Variants in USH2A observed in about 807,000 individuals in gnomAD.
USH2A encodes Usher syndrome 2A (autosomal recessive, mild).
In USH2A, 443 loss-of-function variants were observed where a neutral mutation model predicts 538.9. The observed-to-expected ratio is 0.82, with a 90% CI of 0.76 to 0.89. The LOEUF (loss-of-function observed/expected upper bound fraction) is 0.89. Among genes scored for constraint, USH2A ranks in the 40% least tolerant of loss-of-function variants. USH2A has a pLI of 0.00. For synonymous variants in USH2A, 2,413 were observed against 2,273.5 expected (o/e 1.06, Z -1.75); for missense variants, 6,633 against 6,324.8 (o/e 1.05, Z -1.65).
chr1:216,263,348 C>T lies in USH2A; in HGVS notation c.1972-12250G>A, dbSNP rs549201345. Among the ~76,000 whole-genome samples the T allele has an allele frequency of 2.0e-5, 3 of 152,190 alleles. No individual in the cohort carries two copies. The South Asian group carries it at 6.2e-4, about 32-fold the overall frequency. ...AACTACAGGCCAATATTCCTGATGA[C>T]CATAGTTGCAAAGATCATCAATAAA... On this transcript the variant is annotated intron_variant, in intron 11 of 71. Coordinates refer to ENST00000307340, the MANE Select transcript of USH2A (RefSeq NM_206933.4).
At chr1:216,069,039 G>A (rs556988134) in intron 30 of USH2A, among the ~76,000 whole-genome samples, 1 of 152,236 alleles carries the variant, frequency 6.6e-6, no homozygotes, top group Non-Finnish European at 1.5e-5. Context: ...GGAGAATGGG[G>A]GAAGGAGCTA....
intron 65 of USH2A, among the ~76,000 whole-genome samples, chr1:215,649,352 T>C (rs1039113772): frequency 1.3e-5 from 2 of 152,202 alleles, no homozygotes; most frequent in Admixed American, 6.5e-5. Context: ...TTATAAAGTT[T>C]TGGTTTATTT....
At chr1:216,067,146 C>A (rs112055434) in intron 30 of USH2A, among the ~76,000 whole-genome samples, 16 of 152,264 alleles carry the variant, frequency 1.1e-4, no homozygotes, top group African/African-American at 3.9e-4. Flanking sequence ...TCATTCTCAG[C>A]AAACTAACAC....
intron 11 of USH2A, among the ~76,000 whole-genome samples, chr1:216,268,706 A>C (rs2036521218): frequency 6.6e-6 from 1 of 152,108 alleles, no homozygotes; most frequent in South Asian, 2.1e-4. Flanking sequence ...TTCTGAATAC[A>C]TCAGGGGTGC....
intron 61 of USH2A, among the ~76,000 whole-genome samples, chr1:215,703,557 G>A (rs554278645): frequency 2.8e-4 from 42 of 152,140 alleles, no homozygotes; most frequent in Admixed American, 6.5e-4. Flanking sequence ...GCGGCTTTGC[G>A]GTGCTGTGGT....
At chr1:216,187,233 C>T (rs1223834070) in intron 20 of USH2A, among the ~76,000 whole-genome samples, 4 of 151,870 alleles carry the variant, frequency 2.6e-5, no homozygotes, top group Admixed American at 6.6e-5. Flanking sequence ...TTCTCACAGC[C>T]CTTAGCACAT....
chr1:216,011,555 C>CTT (rs1668570168), intron 32 of USH2A, among the ~76,000 whole-genome samples: 1 of 152,074 alleles, frequency 6.6e-6, no homozygotes, highest in African/African-American at 2.4e-5. Context: ...GGTCAGAATT[C>CTT]TTACACAAGA....
chr1:216,175,654 C>G (rs1367114188), intron 20 of USH2A, among the ~76,000 whole-genome samples, 172 bp from the exon 21 acceptor site: 1 of 152,162 alleles, frequency 6.6e-6, no homozygotes, highest in Non-Finnish European at 1.5e-5. Context: ...TAGAGTTTAT[C>G]TTAAATGCAG....
Position 215,674,232 on chromosome 1 carries a change from C to G in USH2A, c.13679G>C (p.Gly4560Ala), listed in dbSNP as rs562751357. Residue 4560 changes from glycine (G) to alanine (A), a missense_variant, in exon 63 of 72, where the codon GGT becomes GCT. Physicochemically the swap from Gly to Ala is moderately conservative, Grantham distance 60. Coordinates refer to ENST00000307340, the MANE Select transcript of USH2A (RefSeq NM_206933.4). ...VNWDPPVRTNGDIINYTLFIR... is the reference protein window; with the variant it reads ...VNWDPPVRTNADIINYTLFIR... ...GAAGAGGGTATAATTGATGATATCACCATTTGTTCTCACTGGAGGGTCCCA... is the reference window on the plus strand; with the variant it reads ...GAAGAGGGTATAATTGATGATATCAGCATTTGTTCTCACTGGAGGGTCCCA... 3 of 1,614,000 alleles carry G rather than the reference C, an allele frequency of 1.9e-6. No individual in the cohort carries two copies. The highest frequency in any genetic ancestry group is 2.5e-6 in the Non-Finnish European group (3 of 1,180,028).
At chr1:216,339,484 T>G (rs908988116) in intron 4 of USH2A, among the ~76,000 whole-genome samples, 1 of 151,746 alleles carries the variant, frequency 6.6e-6, no homozygotes, top group African/African-American at 2.4e-5. Flanking sequence ...ATGCAGAATG[T>G]GGGAGGAGGT....
chr1:215,835,823 C>T (rs565009823), intron 47 of USH2A, among the ~76,000 whole-genome samples: 3 of 152,218 alleles, frequency 2.0e-5, no homozygotes, highest in East Asian at 3.9e-4. Context: ...AAATCATTTG[C>T]TTCTTTCTGA....
intron 21 of USH2A, among the ~76,000 whole-genome samples, chr1:216,118,163 T>C (rs1449459917): frequency 6.6e-6 from 1 of 152,130 alleles, no homozygotes; most frequent in African/African-American, 2.4e-5. Flanking sequence ...CACAAGTCTT[T>C]TGGGAGGATT....
At chr1:215,999,145 T>C (rs1168988399) in intron 33 of USH2A, 87 bp from the exon 34 acceptor site, 2 of 1,134,310 alleles carry the variant, frequency 1.8e-6, no homozygotes, top group East Asian at 4.8e-5. Flanking sequence ...TGAACTTGGA[T>C]TTGTGACACT....
chr1:216,283,790 A>C, intron 11 of USH2A, among the ~76,000 whole-genome samples: 1 of 152,286 alleles, frequency 6.6e-6, no homozygotes, highest in African/African-American at 2.4e-5. Context: ...TTGGATCATA[A>C]TTGTTTGTCA....
chr1:215,886,214 T>C (rs896810355), intron 41 of USH2A, among the ~76,000 whole-genome samples: 7 of 152,268 alleles, frequency 4.6e-5, no homozygotes, highest in Admixed American at 2.0e-4. Flanking sequence ...AACCAATGCA[T>C]TAATGACTAT....
intron 15 of USH2A, among the ~76,000 whole-genome samples, chr1:216,215,140 C>G (rs1343285439): frequency 6.6e-6 from 1 of 151,994 alleles, no homozygotes; most frequent in Non-Finnish European, 1.5e-5. Flanking sequence ...AGGATTCCCA[C>G]CCTGACAGCC....
intron 32 of USH2A, among the ~76,000 whole-genome samples, chr1:216,026,201 A>T (rs148641713): frequency 6.6e-6 from 1 of 152,290 alleles, no homozygotes; most frequent in African/African-American, 2.4e-5. Flanking sequence ...TGCCATTCGC[A>T]GTTTTCCTCT....
intron 10 of USH2A, 81 bp from the exon 11 acceptor site, chr1:216,289,491 C>T (rs1219237376): frequency 6.9e-6 from 11 of 1,591,794 alleles, no homozygotes; most frequent in Non-Finnish European, 8.6e-6. Flanking sequence ...GACTGTATTC[C>T]TTTGAGGGAA....
At chr1:216,074,351 C>CT (rs2031677166) in intron 27 of USH2A, among the ~76,000 whole-genome samples, 4 of 132,170 alleles carry the variant, frequency 3.0e-5, no homozygotes, top group Non-Finnish European at 6.5e-5. Context: ...TCTCTCTCTC[C>CT]GAACAAAACA....
Sources: gnomAD v4.1 joint callset for allele counts (sites outside exome capture counted in the v4.1 genomes callset) on GRCh38, gnomAD v4.1.1 for gene constraint, MANE v1.5 for transcripts, NCBI Gene and HGNC (gene_info 2026-07-23, HGNC 2026-07-21) for gene names.